MYRF: variants seen among roughly 807,000 people sequenced by gnomAD.
The protein encoded by MYRF is myelin regulatory factor, also known as myelin gene regulatory factor.
Under a neutral mutation model 126.3 loss-of-function variants are expected in MYRF, and 16 were observed. That is an observed-to-expected ratio of 0.13 (90% CI 0.09 to 0.19). The LOEUF (loss-of-function observed/expected upper bound fraction) is 0.19, where lower values mean the gene tolerates loss of function less well. MYRF is among the 10% of genes least tolerant of loss of function. MYRF has a pLI of 1.00. For synonymous variants in MYRF, 608 were observed against 635.3 expected (o/e 0.96, Z 0.65); for missense variants, 1,104 against 1,547.0 (o/e 0.71, Z 4.80).
Position 61,766,096 on chromosome 11 carries a change from A to T in MYRF, c.273A>T (p.Pro91=), listed in dbSNP as rs748345718. 6.2e-7 allele frequency: 1 copy of T among 1,604,804 alleles called. No individual in the cohort carries two copies. Among genetic ancestry groups the T allele is most frequent in the Non-Finnish European group, 8.5e-7 (1 of 1,178,270 alleles). ...GPSPGRHGPL[P]PPGYGTPLNC... is the part of the protein sequence containing the mutation. ...CCCCGGGGCGCCATGGTCCCCTCCC[A>T]CCCCCGGGCTACGGCACCCCGCTGA... The change falls in exon 3 of 27, where the codon CCA becomes CCT. Residue 91 remains proline (P), a synonymous_variant. Transcript: ENST00000278836.
chr11:61,761,116 T>C (rs2065882658), intron 1 of MYRF, among the ~76,000 whole-genome samples: 1 of 151,584 alleles, frequency 6.6e-6, no homozygotes, highest in Non-Finnish European at 1.5e-5. Context: ...ATTTCCGCCA[T>C]GTTTGGGGCA....
At chr11:61,779,017 C>T (rs2066467815) in intron 14 of MYRF, 1 of 660,388 alleles carries the variant, frequency 1.5e-6, no homozygotes. Context: ...GAGGGCCATT[C>T]AGGCAGGTGG....
intron 26 of MYRF, 87 bp downstream of exon 26, chr11:61,785,961 T>C: frequency 6.4e-7 from 1 of 1,561,196 alleles, no homozygotes; most frequent in Non-Finnish European, 8.8e-7. Flanking sequence ...TTGCACAGTA[T>C]GTGGTAGGGC....
intron 1 of MYRF, among the ~76,000 whole-genome samples, chr11:61,758,217 G>C (rs995552021): frequency 6.6e-6 from 1 of 152,156 alleles, no homozygotes; most frequent in African/African-American, 2.4e-5. Flanking sequence ...CATCAGTGAG[G>C]GAAGTTCTCC....
Position 61,786,060 on chromosome 11 carries a change from C to G in MYRF, c.3376-3C>G, listed in dbSNP as rs772771170. 5 of 1,614,114 alleles carry G rather than the reference C, an allele frequency of 3.1e-6. No homozygotes were observed. Among genetic ancestry groups the G allele is most frequent in the Non-Finnish European group, 4.2e-6 (5 of 1,179,926 alleles). ...CTCACCTTCCCACTGCCCTTCCACCCAGGGTCAGGCCAACTGCAGTTCAGA... is the reference window on the plus strand; with the variant it reads ...CTCACCTTCCCACTGCCCTTCCACCGAGGGTCAGGCCAACTGCAGTTCAGA... On this transcript the variant is annotated splice_polypyrimidine_tract_variant and splice_region_variant and intron_variant, in intron 26 of 26. Transcript: ENST00000278836. The surrounding 1 kb of genome is among the most constrained non-coding windows in gnomAD (Gnocchi z 4.5).
At chr11:61,755,279 C>T in intron 1 of MYRF, 6 of 1,275,650 alleles carry the variant, frequency 4.7e-6, no homozygotes, top group South Asian at 4.1e-5. Flanking sequence ...CGCTTTGGAC[C>T]TCAGGTGGGA....
intron 17 of MYRF, 60 bp downstream of exon 17, chr11:61,779,990 G>A (rs1365383049): frequency 4.1e-6 from 6 of 1,480,116 alleles, no homozygotes; most frequent in East Asian, 4.7e-5. Flanking sequence ...GCCCAGTGGA[G>A]TCAGCTGCCC....
rs896771746 is a variant in MYRF, at chr11:61,787,622, A to G, written c.*1479A>G. ...TGATCTCAAAGCACTTGTCCTCAGG[A>G]TAGGGAAGAGCAGGGGGATGCAGGA... On this transcript the variant is annotated 3_prime_UTR_variant, in exon 27 of 27. Coordinates refer to ENST00000278836, the MANE Select transcript of MYRF (RefSeq NM_001127392.3). 24 of 152,660 alleles carry G rather than the reference A, an allele frequency of 1.6e-4. No individual in the cohort carries two copies. Among genetic ancestry groups the G allele is most frequent in the African/African-American group, 5.8e-4 (24 of 41,410 alleles). 9.5% of individuals were successfully genotyped at this position (152,660 alleles called of 1,614,324 possible).
rs1381147705 is a variant in MYRF at position 61,777,608 on chromosome 11, C to G, written c.1792-126C>G. 2.3e-6 allele frequency: 3 copies of G among 1,317,432 alleles called. No homozygotes were observed. The highest frequency in any genetic ancestry group is 2.8e-5 in the South Asian group (2 of 72,492). 81.6% of individuals were successfully genotyped at this position (1,317,432 alleles called of 1,614,324 possible). A position where few individuals can be genotyped will look rare whatever the true frequency, so the allele number is the denominator to read the frequency against. On this transcript the variant is annotated intron_variant, in intron 12 of 26. Transcript: ENST00000278836. This position sits in a 1 kb window ranked among gnomAD's most constrained non-coding sequence, Gnocchi z 8.8. ...AGGGAGGCTGGCCTCGAATCCCGAT[C>G]TAACCACTCCAGTGGTGGGGTCTCC...
intron 3 of MYRF, chr11:61,766,629 C>G (rs189350787): frequency 1.6e-5 from 4 of 245,626 alleles, no homozygotes; most frequent in Non-Finnish European, 3.2e-5. Flanking sequence ...AGGAGCTGGC[C>G]CATGGCTCAG....
intron 8 of MYRF, 152 bp downstream of exon 8, chr11:61,774,314 T>A: frequency 1.5e-6 from 1 of 684,244 alleles, no homozygotes; most frequent in Non-Finnish European, 2.4e-6. Flanking sequence ...AGGTCAGGAG[T>A]TCAAGACCAG....
In MYRF at chr11:61,783,823, G is replaced by C; in HGVS notation, c.3120-28G>C. On this transcript the variant is annotated intron_variant, in intron 23 of 26. Transcript: ENST00000278836. This position sits in a 1 kb window ranked among gnomAD's most constrained non-coding sequence, Gnocchi z 4.6. ...GGTGGGGGGTGGCAGGGTACCCTCA[G>C]GCTAAGGTGCCAGTTTTGCCCCTGC... The C allele has an allele frequency of 6.4e-7, 1 of 1,572,566 alleles. No homozygotes were observed. The highest frequency in any genetic ancestry group is 8.6e-7 in the Non-Finnish European group (1 of 1,157,948).
At chr11:61,779,206 G>C in intron 14 of MYRF, 57 bp from the exon 15 acceptor site, 2 of 1,498,550 alleles carry the variant, frequency 1.3e-6, no homozygotes, top group East Asian at 4.9e-5. Context: ...TGGGGCTCCC[G>C]GGGCTGACTG....
At chr11:61,767,006 C>G in intron 3 of MYRF, 1 of 456,536 alleles carries the variant, frequency 2.2e-6, no homozygotes, top group South Asian at 1.5e-5. Flanking sequence ...AACCCATGGC[C>G]TCAGTTTCTT....
rs766782933 is a variant in MYRF at position 61,766,116 on chromosome 11, C to T, written c.293C>T (p.Pro98Leu). ...GPLPPPGYGT[P>L]LNCNNNNGMG... ...CTCCCACCCCCGGGCTACGGCACCC[C>T]GCTGAACTGCAACAACAACAACGGC... The change falls in exon 3 of 27, where the codon CCG becomes CTG. Residue 98 changes from proline (P) to leucine (L), a missense_variant. Around this residue, in one of 10 missense-constraint regions of MYRF, gnomAD observed 368 missense variants for 403.9 expected, o/e 0.91. Transcript: ENST00000278836. The T allele has an allele frequency of 1.7e-5, 28 of 1,609,262 alleles. No homozygotes were observed. Among genetic ancestry groups the T allele is most frequent in the African/African-American group, 2.7e-5 (2 of 75,036 alleles).
In MYRF at chr11:61,769,287, G is replaced by A. The variant is rs372662841; in HGVS notation, c.426G>A (p.Ser142=). 51 of 1,609,214 alleles carry A rather than the reference G, an allele frequency of 3.2e-5. No individual in the cohort carries two copies. In the African/African-American group the frequency reaches 4.8e-4, roughly 15 times the overall value. ...CACTGCCGGACTCTCCCCCAGACTC[G>A]GGCTCCGAGGCCTACTCCCCCCAGC... ...PGTLPDSPPD[S]GSEAYSPQQV... is the part of the protein sequence containing the mutation. The change falls in exon 4 of 27, where the codon TCG becomes TCA. Residue 142 remains serine (S), a synonymous_variant. Transcript: ENST00000278836.
intron 24 of MYRF, 72 bp from the exon 25 acceptor site, chr11:61,784,208 G>A: frequency 7.1e-7 from 1 of 1,413,002 alleles, no homozygotes; most frequent in Non-Finnish European, 9.8e-7. Flanking sequence ...GCGTGTGGCA[G>A]GCTGGCTGGG....
Position 61,787,993 on chromosome 11 carries a change from AG to A in MYRF, c.*1852del, listed in dbSNP as rs1262980118. On this transcript the variant is annotated 3_prime_UTR_variant, in exon 27 of 27. Transcript: ENST00000278836. The stretch of plus-strand genomic sequence containing the variant: ...AGCCTGGGGAGGGGTTCCTCAGTGC[AG>A]GAGTTGGGGACAGGCTGGGGATCCA... 1 of 152,838 alleles carries A rather than the reference AG, an allele frequency of 6.5e-6. No homozygotes were observed. The highest frequency in any genetic ancestry group is 2.4e-5 in the African/African-American group (1 of 41,452). The allele number at this position is 152,838 out of a possible 1,614,324, so 9.5% of individuals were successfully genotyped here. A position where few individuals can be genotyped will look rare whatever the true frequency, so the allele number is the denominator to read the frequency against.
At position 61,755,247 on chromosome 11, in the gene MYRF, G is replaced by A. The variant is rs534095116; in HGVS notation, c.46+2457G>A. The A allele has an allele frequency of 9.2e-6, 8 of 870,302 alleles. No homozygotes were observed. The East Asian group carries it at 1.1e-4, about 12-fold the overall frequency. 53.9% of individuals were successfully genotyped at this position (870,302 alleles called of 1,614,324 possible). A position where few individuals can be genotyped will look rare whatever the true frequency, so the allele number is the denominator to read the frequency against. ...TAGGTGCTGGGTCCTGCCCTGTGCC[G>A]GTGGTGGGCTGGGGGCTAAGGCGCT... On this transcript the variant is annotated intron_variant, in intron 1 of 26. Transcript: ENST00000278836.
Sources: allele counts gnomAD v4.1 joint callset (sites outside exome capture counted in the v4.1 genomes callset), GRCh38; gene constraint gnomAD v4.1.1; regional missense constraint gnomAD v4.1.1; non-coding constraint Gnocchi (gnomAD v3.1); transcripts MANE v1.5; gene names NCBI Gene and HGNC (gene_info 2026-07-23, HGNC 2026-07-21).